BAZ1B: variants seen among roughly 807,000 people sequenced by gnomAD.
BAZ1B encodes the protein bromodomain adjacent to zinc finger domain 1B, also known as tyrosine-protein kinase BAZ1B.
BAZ1B carries 22 observed loss-of-function variants against 153.8 expected under a neutral mutation model. That is an observed-to-expected ratio of 0.14 (90% CI 0.10 to 0.20). The LOEUF is 0.20. Ranked by LOEUF, BAZ1B falls within the 10% of genes least tolerant of loss-of-function variation. The pLI is 1.00. For missense variants in BAZ1B, 1,325 were observed against 1,799.3 expected (o/e 0.74, Z 4.77); for synonymous variants, 676 against 633.4 (o/e 1.07, Z -1.01).
At chr7:73,510,895 A>G (rs1554578483) in intron 1 of BAZ1B, 43 bp from the exon 2 acceptor site, 1 of 1,514,000 alleles carries the variant, frequency 6.6e-7, no homozygotes. Context: ...AGCAACAGAG[A>G]CGACAAACCC....
chr7:73,447,432 TAAG>T lies in BAZ1B; in HGVS notation c.3729-56_3729-54del, dbSNP rs1436096432. The T allele has an allele frequency of 4.6e-5, 72 of 1,558,160 alleles. 1 individual carries two copies. In the African/African-American group the frequency reaches 8.7e-4, roughly 19 times the overall value. On this transcript the variant is annotated intron_variant, in intron 15 of 19. Transcript: ENST00000339594. Reference sequence around the variant, plus strand: ...ACACAGTTTTAGCCCAAAGTGGTCCTAAGAAGGGCTCAAATCCCACAGGGATCA... The same window carrying T: ...ACACAGTTTTAGCCCAAAGTGGTCCTAAGGGCTCAAATCCCACAGGGATCA...
rs1787666745 is a variant in BAZ1B, at chr7:73,442,607, G to A, written c.4095-54C>T. ...GCACAGCCTTGACGGCAGTGCCCCT[G>A]CCACTGAGACACGTCCTGAAAAGCA... is the stretch of plus-strand genomic sequence containing the variant. On this transcript the variant is annotated intron_variant, in intron 18 of 19. Transcript: ENST00000339594. 7 of 1,562,154 alleles carry A rather than the reference G, an allele frequency of 4.5e-6. No individual in the cohort carries two copies. The highest frequency in any genetic ancestry group is 1.4e-5 in the African/African-American group (1 of 73,308).
At chr7:73,512,981 G>T (rs1235103036) in intron 1 of BAZ1B, among the ~76,000 whole-genome samples, 1 of 152,054 alleles carries the variant, frequency 6.6e-6, no homozygotes, top group Non-Finnish European at 1.5e-5. Context: ...TTGACACAGG[G>T]TCTCACTCTG....
At chr7:73,468,939 G>A (rs1173740893) in intron 9 of BAZ1B, among the ~76,000 whole-genome samples, 1 of 152,068 alleles carries the variant, frequency 6.6e-6, no homozygotes, top group African/African-American at 2.4e-5. Context: ...AGACCAGCTT[G>A]GCCAACATGG....
intron 4 of BAZ1B, among the ~76,000 whole-genome samples, chr7:73,496,580 A>G (rs1789907818): frequency 6.6e-6 from 1 of 152,196 alleles, no homozygotes; most frequent in Middle Eastern, 3.2e-3. Context: ...GGAGACAACA[A>G]TAATCAAGTC....
At position 73,441,436 on chromosome 7, in the gene BAZ1B, T is replaced by C. The variant is rs1319253226; in HGVS notation, c.*273A>G. The stretch of plus-strand genomic sequence containing the variant: ...GGGCTCCAACACCCCTCTGGCCAGA[T>C]CCATCAAAGTAAAGGTTATATGCAT... On this transcript the variant is annotated 3_prime_UTR_variant, in exon 20 of 20. Transcript: ENST00000339594. 3 of 152,404 alleles carry C rather than the reference T, an allele frequency of 2.0e-5. No homozygotes were observed. Among genetic ancestry groups the C allele is most frequent in the Non-Finnish European group, 4.4e-5 (3 of 68,036 alleles). The allele number at this position is 152,404 out of a possible 1,614,324, so 9.4% of individuals were successfully genotyped here.
At chr7:73,474,703 A>AG (rs1394455004) in intron 7 of BAZ1B, among the ~76,000 whole-genome samples, 8 of 152,210 alleles carry the variant, frequency 5.3e-5, no homozygotes, top group Non-Finnish European at 1.2e-4. Context: ...TGAACCCAGG[A>AG]GGCAGAGGTT....
intron 7 of BAZ1B, among the ~76,000 whole-genome samples, chr7:73,475,323 A>G (rs950831185): frequency 3.3e-5 from 5 of 152,250 alleles, no homozygotes; most frequent in Non-Finnish European, 5.9e-5. Context: ...AAACAATCTA[A>G]ATGTTTATCA....
chr7:73,492,757 TAAAG>T, intron 5 of BAZ1B, 39 bp downstream of exon 5: 1 of 1,521,958 alleles, frequency 6.6e-7, no homozygotes, highest in Non-Finnish European at 8.9e-7. Flanking sequence ...GATATTTTCT[TAAAG>T]AACATCTATC....
chr7:73,460,692 C>T (rs1002549947), intron 12 of BAZ1B, among the ~76,000 whole-genome samples: 4 of 152,142 alleles, frequency 2.6e-5, no homozygotes, highest in South Asian at 2.1e-4. Context: ...CACTATGTTG[C>T]GCAGGCTGGT....
chr7:73,511,994 C>G (rs1341851181), intron 1 of BAZ1B, among the ~76,000 whole-genome samples: 1 of 122,532 alleles, frequency 8.2e-6, no homozygotes, highest in Non-Finnish European at 1.6e-5. Flanking sequence ...CACCACTGCA[C>G]TACAGCCTGG....
intron 5 of BAZ1B, among the ~76,000 whole-genome samples, chr7:73,491,451 TAGTC>T (rs1334516188): frequency 6.6e-6 from 1 of 151,656 alleles, no homozygotes; most frequent in Non-Finnish European, 1.5e-5. Flanking sequence ...AACACAAAAT[TAGTC>T]AGGCATGGTG....
chr7:73,505,448 C>A (rs1377163371), intron 3 of BAZ1B, among the ~76,000 whole-genome samples: 1 of 152,170 alleles, frequency 6.6e-6, no homozygotes, highest in Non-Finnish European at 1.5e-5. Flanking sequence ...ATAATCACGT[C>A]TGTCTTGTTT....
At chr7:73,475,559 G>C (rs1554572639) in intron 7 of BAZ1B, among the ~76,000 whole-genome samples, 1 of 152,196 alleles carries the variant, frequency 6.6e-6, no homozygotes, top group African/African-American at 2.4e-5. Flanking sequence ...TGGTTGCTGG[G>C]GGATGTGGAC....
chr7:73,517,893 C>T (rs1018142624), intron 1 of BAZ1B, among the ~76,000 whole-genome samples: 2 of 152,126 alleles, frequency 1.3e-5, no homozygotes, highest in Non-Finnish European at 2.9e-5. Flanking sequence ...TACTTGATAT[C>T]CTGAAAAGAT....
chr7:73,469,977 G>T (rs957711009), intron 8 of BAZ1B, among the ~76,000 whole-genome samples: 17 of 152,118 alleles, frequency 1.1e-4, no homozygotes, highest in African/African-American at 3.9e-4. Context: ...CAAAGTGTAG[G>T]ATTACAGGTG....
At chr7:73,496,457 C>T (rs1713402191) in intron 4 of BAZ1B, among the ~76,000 whole-genome samples, 1 of 152,172 alleles carries the variant, frequency 6.6e-6, no homozygotes, top group African/African-American at 2.4e-5. Context: ...CAGACAACAT[C>T]ACATTCTAAT....
intron 9 of BAZ1B, among the ~76,000 whole-genome samples, chr7:73,468,876 C>G (rs1788691930): frequency 6.6e-6 from 1 of 152,010 alleles, no homozygotes; most frequent in Non-Finnish European, 1.5e-5. Context: ...CACTTGTAAT[C>G]CCCAGCACTT....
chr7:73,474,545 C>T lies in BAZ1B; in HGVS notation c.2593+2323G>A, dbSNP rs139408360. Among the ~76,000 whole-genome samples, 623 of 152,306 alleles carry T rather than the reference C, an allele frequency of 4.1e-3. 6 individuals carry two copies. The highest frequency in any genetic ancestry group is 0.014 in the African/African-American group (577 of 41,570). On this transcript the variant is annotated intron_variant, in intron 7 of 19. Coordinates refer to ENST00000339594, the MANE Select transcript of BAZ1B (RefSeq NM_032408.4). Reference sequence around the variant, plus strand: ...ATCCCAGCACTCTGGGAGGCCAAGGCGTGCGGATCACCTGAGGTCAGGAGT... The same window carrying T: ...ATCCCAGCACTCTGGGAGGCCAAGGTGTGCGGATCACCTGAGGTCAGGAGT...
Sources: gnomAD v4.1 joint callset for allele counts (sites outside exome capture counted in the v4.1 genomes callset) on GRCh38, gnomAD v4.1.1 for gene constraint, MANE v1.5 for transcripts, NCBI Gene and HGNC (gene_info 2026-07-23, HGNC 2026-07-21) for gene names.